RALA: variants seen among roughly 807,000 people sequenced by gnomAD.
RALA encodes the protein ras-related protein Ral-A.
In RALA, 5 loss-of-function variants were observed where a neutral mutation model predicts 24.0. The observed-to-expected ratio is 0.21, with a 90% CI of 0.11 to 0.44. The LOEUF (loss-of-function observed/expected upper bound fraction) is 0.44, where lower values mean the gene tolerates loss of function less well. Ranked by LOEUF, RALA falls within the 20% of genes least tolerant of loss-of-function variation. The probability of loss-of-function intolerance (pLI) is 0.99; values close to 1 mark genes in which losing one functional copy is unlikely to be tolerated. For synonymous variants in RALA, 77 were observed against 83.8 expected (o/e 0.92, Z 0.44); for missense variants, 95 against 241.2 (o/e 0.39, Z 4.01).
chr7:39,693,273 A>T (rs1792862480), intron 3 of RALA, among the ~76,000 whole-genome samples: 1 of 152,220 alleles, frequency 6.6e-6, no homozygotes, highest in Non-Finnish European at 1.5e-5. Flanking sequence ...TCGCAGGGAC[A>T]TGGATGAAGC....
At chr7:39,697,300 T>C (rs1264206286) in intron 4 of RALA, 1 of 446,118 alleles carries the variant, frequency 2.2e-6, no homozygotes, top group East Asian at 7.0e-5. Context: ...TTTTAAAATC[T>C]CTCCTGCCAC....
intron 3 of RALA, among the ~76,000 whole-genome samples, chr7:39,696,235 G>A (rs1792918469): frequency 6.6e-6 from 1 of 152,162 alleles, no homozygotes; most frequent in African/African-American, 2.4e-5. Flanking sequence ...TTGATATGAT[G>A]CAATAAGAAT....
chr7:39,639,550 G>A (rs1791744596), intron 1 of RALA, among the ~76,000 whole-genome samples: 1 of 152,188 alleles, frequency 6.6e-6, no homozygotes, highest in Non-Finnish European at 1.5e-5. Flanking sequence ...TGGCAACATA[G>A]TGAGACCCTG....
intron 1 of RALA, among the ~76,000 whole-genome samples, chr7:39,657,671 C>T (rs2115986035): frequency 6.6e-6 from 1 of 152,068 alleles, no homozygotes; most frequent in East Asian, 1.9e-4. Flanking sequence ...CCTGTAATCC[C>T]AGCACTTTGA....
At chr7:39,692,110 A>G (rs982948192) in intron 3 of RALA, among the ~76,000 whole-genome samples, 1 of 152,174 alleles carries the variant, frequency 6.6e-6, no homozygotes, top group African/African-American at 2.4e-5. Flanking sequence ...GGCTTTTTTG[A>G]AAAGGTCTGA....
chr7:39,668,867 G>A (rs551431948), intron 1 of RALA, among the ~76,000 whole-genome samples: 2 of 151,020 alleles, frequency 1.3e-5, no homozygotes, highest in African/African-American at 4.9e-5. Context: ...TGTAATTCTA[G>A]CACTTTAGGA....
chr7:39,632,867 G>T (rs933178913), intron 1 of RALA, among the ~76,000 whole-genome samples: 2 of 152,132 alleles, frequency 1.3e-5, no homozygotes, highest in Admixed American at 6.5e-5. Context: ...GATGGATGTG[G>T]TAAGAAGCAG....
intron 1 of RALA, among the ~76,000 whole-genome samples, chr7:39,658,237 T>A (rs1389816236): frequency 1.3e-5 from 2 of 152,176 alleles, no homozygotes; most frequent in African/African-American, 4.8e-5. Flanking sequence ...CACTGTGGCA[T>A]CCATGACTTT....
chr7:39,668,372 G>T (rs1460181666), intron 1 of RALA, among the ~76,000 whole-genome samples: 1 of 152,170 alleles, frequency 6.6e-6, no homozygotes, highest in Non-Finnish European at 1.5e-5. Flanking sequence ...GAAATAGGTG[G>T]TCATCCATTA....
intron 3 of RALA, among the ~76,000 whole-genome samples, chr7:39,691,627 C>T (rs1487113748): frequency 6.6e-6 from 1 of 152,226 alleles, no homozygotes; most frequent in Non-Finnish European, 1.5e-5. Context: ...TTTTACAGAG[C>T]ATTCCTTTTT....
rs1036664080 is a variant in RALA at position 39,639,816 on chromosome 7, T to TG, written c.-38+15992dup. Among the ~76,000 whole-genome samples, 3 of 152,216 alleles carry TG rather than the reference T, an allele frequency of 2.0e-5. No individual in the cohort carries two copies. In the East Asian group the frequency reaches 5.8e-4, roughly 29 times the overall value. ...AGCCTTGAACAGGACACCGTCCTGT[T>TG]GCAGGATGCCCTCATGCACACACGC... On this transcript the variant is annotated intron_variant, in intron 1 of 4. Transcript: ENST00000005257.
rs536439659 is a variant in RALA at position 39,654,741 on chromosome 7, TTTTGTTTG to T, written c.-38+30937_-38+30944del. Among the ~76,000 whole-genome samples the T allele has an allele frequency of 3.2e-4, 49 of 152,084 alleles. No individual in the cohort carries two copies. In the Middle Eastern group the frequency reaches 0.014, roughly 42 times the overall value. ...ATATGGTGTATATGTGAATCTAAAT[TTTTGTTTG>T]TTTGTTTGTTTGTTTGTTTGAGAGA... On this transcript the variant is annotated intron_variant, in intron 1 of 4. Transcript: ENST00000005257.
chr7:39,699,137 T>TTTTTA (rs1792974787), intron 4 of RALA, among the ~76,000 whole-genome samples: 1 of 124,716 alleles, frequency 8.0e-6, no homozygotes, highest in African/African-American at 3.1e-5. Context: ...TTTTTTTTTT[T>TTTTTA]TTTTTTTTTT....
intron 4 of RALA, among the ~76,000 whole-genome samples, chr7:39,699,289 C>T (rs904551692): frequency 1.8e-4 from 27 of 149,744 alleles, no homozygotes; most frequent in African/African-American, 3.5e-4. Flanking sequence ...TACAGGCGCC[C>T]GCCACCGCGC....
chr7:39,702,553 A>G (rs1000238179), intron 4 of RALA, among the ~76,000 whole-genome samples: 5 of 152,210 alleles, frequency 3.3e-5, no homozygotes, highest in Non-Finnish European at 5.9e-5. Context: ...CCATTTTCCT[A>G]TTAATGACAT....
intron 1 of RALA, among the ~76,000 whole-genome samples, chr7:39,683,127 A>G (rs1792635593): frequency 6.6e-6 from 1 of 152,186 alleles, no homozygotes; most frequent in South Asian, 2.1e-4. Flanking sequence ...TGCTGCCACC[A>G]TGCTCTTGGG....
intron 4 of RALA, 21 bp from the exon 5 acceptor site, chr7:39,706,102 T>A: frequency 6.3e-7 from 1 of 1,585,760 alleles, no homozygotes; most frequent in South Asian, 1.1e-5. Flanking sequence ...GCTTTATTTA[T>A]CCTATTTTTT....
In RALA at chr7:39,643,478, T is replaced by C. The variant is rs571076521; in HGVS notation, c.-38+19653T>C. Among the ~76,000 whole-genome samples, 182 of 152,332 alleles carry C rather than the reference T, an allele frequency of 1.2e-3. 1 individual carries two copies. Among genetic ancestry groups the C allele is most frequent in the African/African-American group, 4.1e-3 (169 of 41,582 alleles). On this transcript the variant is annotated intron_variant, in intron 1 of 4. Transcript: ENST00000005257. ...GCTCATACCTCTAACCCCAGCACTT[T>C]GAGAGGCTGAGGCAGGCGGATCACT...
Position 39,706,150 on chromosome 7 carries a change from C to T in RALA, c.526C>T (p.Arg176Ter), listed in dbSNP as rs1204820978. The T allele has an allele frequency of 6.2e-7, 1 of 1,601,546 alleles. No individual in the cohort carries two copies. Among genetic ancestry groups the T allele is most frequent in the Non-Finnish European group, 8.5e-7 (1 of 1,174,766 alleles). The change falls in exon 5 of 5, where the codon CGA (arginine) becomes TGA (stop). Residue 176 changes from arginine (R) to a stop codon, truncating the protein, a stop_gained. Coordinates refer to ENST00000005257, the MANE Select transcript of RALA (RefSeq NM_005402.4). LOFTEE classifies it high-confidence loss of function. ...ATTTTTTGATTTAATGAGAGAAATT[C>T]GAGCGAGAAAGATGGAAGACAGCAA... ...KVFFDLMREI[R>*]ARKMEDSKEK... is the part of the protein sequence containing the mutation.
Sources: gnomAD v4.1 joint callset for allele counts (sites outside exome capture counted in the v4.1 genomes callset) on GRCh38, gnomAD v4.1.1 for gene constraint, MANE v1.5 for transcripts, NCBI Gene and HGNC (gene_info 2026-07-23, HGNC 2026-07-21) for gene names.